LAMA3: variants seen among roughly 807,000 people sequenced by gnomAD.
The protein encoded by LAMA3 is laminin subunit alpha-3.
LAMA3 carries 281 observed loss-of-function variants against 402.0 expected under a neutral mutation model. The observed-to-expected ratio is 0.70, with a 90% CI of 0.63 to 0.77. LAMA3 has a LOEUF of 0.77. Ranked by LOEUF, LAMA3 falls within the 30% of genes least tolerant of loss-of-function variation. The pLI, the probability that LAMA3 is intolerant of heterozygous loss-of-function variation, is 0.00. For missense variants in LAMA3, 3,840 were observed against 4,215.5 expected (o/e 0.91, Z 2.47); for synonymous variants, 1,431 against 1,558.4 (o/e 0.92, Z 1.93).
intron 5 of LAMA3, among the ~76,000 whole-genome samples, chr18:23,752,978 A>G (rs2061779951): frequency 6.6e-6 from 1 of 152,184 alleles, no homozygotes; most frequent in South Asian, 2.1e-4. Context: ...GCCAAGTCTG[A>G]GAAGGAAGGT....
chr18:23,916,363 A>C (rs189311615), intron 59 of LAMA3, among the ~76,000 whole-genome samples, 188 bp from the exon 60 acceptor site: 2 of 152,336 alleles, frequency 1.3e-5, no homozygotes, highest in Admixed American at 1.3e-4. Context: ...GTATGAGAGC[A>C]CATCCAGGAG....
At chr18:23,696,224 C>T (rs1387574495) in intron 1 of LAMA3, among the ~76,000 whole-genome samples, 1 of 152,132 alleles carries the variant, frequency 6.6e-6, no homozygotes, top group African/African-American at 2.4e-5. Flanking sequence ...TTACATGTTT[C>T]CAGGCTGCTT....
In LAMA3 at chr18:23,909,034, T is replaced by A; in HGVS notation, c.7016-119T>A. ...AACTACCGTAACTAATTATGACCCA[T>A]CCTGTTCAACATCTGGGGACCAAAC... On this transcript the variant is annotated intron_variant, in intron 54 of 74. Transcript: ENST00000313654. 8 of 917,614 alleles carry A rather than the reference T, an allele frequency of 8.7e-6. No homozygotes were observed. In the East Asian group the frequency reaches 1.2e-4, roughly 14 times the overall value. The allele number at this position is 917,614 out of a possible 1,614,324, so 56.8% of individuals were successfully genotyped here.
At chr18:23,885,975 T>C (rs1239326118) in intron 41 of LAMA3, among the ~76,000 whole-genome samples, 1 of 152,216 alleles carries the variant, frequency 6.6e-6, no homozygotes, top group African/African-American at 2.4e-5. Flanking sequence ...TTTTGACTTG[T>C]TTTCTTATCT....
intron 62 of LAMA3, among the ~76,000 whole-genome samples, chr18:23,926,040 C>T (rs948948220): frequency 1.3e-5 from 2 of 152,178 alleles, no homozygotes; most frequent in African/African-American, 4.8e-5. Context: ...TAGTAGCTGC[C>T]TATCTCTTAG....
At position 23,747,946 on chromosome 18, in the gene LAMA3, T is replaced by C. The variant is rs901532494; in HGVS notation, c.451T>C (p.Phe151Leu). ...TGTATCTCTTTTGTTTTATCAGCTC[T>C]TCCATGTGGCCTATATTTTAATCAA... ...VNLTLDLGQL[F>L]HVAYILIKFA... The change falls in exon 3 of 75, where the codon TTC becomes CTC. Residue 151 changes from phenylalanine (F) to leucine (L), a missense_variant. Physicochemically the swap from Phe to Leu is conservative, Grantham distance 22. Coordinates refer to ENST00000313654, the MANE Select transcript of LAMA3 (RefSeq NM_198129.4). 2 of 1,549,384 alleles carry C rather than the reference T, an allele frequency of 1.3e-6. No individual in the cohort carries two copies. Among genetic ancestry groups the C allele is most frequent in the Non-Finnish European group, 1.8e-6 (2 of 1,121,080 alleles).
chr18:23,930,047 A>G (rs1409766676), intron 64 of LAMA3, among the ~76,000 whole-genome samples: 2 of 152,228 alleles, frequency 1.3e-5, no homozygotes, highest in Non-Finnish European at 2.9e-5. Flanking sequence ...AAAAAAAGTC[A>G]ACACAAAGTA....
intron 2 of LAMA3, among the ~76,000 whole-genome samples, chr18:23,743,783 G>C (rs962651014): frequency 6.6e-6 from 1 of 152,168 alleles, no homozygotes; most frequent in African/African-American, 2.4e-5. Flanking sequence ...AGCACGTGGA[G>C]AGATTACAAC....
chr18:23,864,203 CTTTCTTTCT>C (rs1214901761), intron 35 of LAMA3, among the ~76,000 whole-genome samples: 3 of 150,154 alleles, frequency 2.0e-5, no homozygotes, highest in Non-Finnish European at 3.0e-5. Flanking sequence ...ATTTTTCTTA[CTTTCTTTCT>C]TTTCTTTCTT....
chr18:23,776,432 T>C (rs1368452953), intron 10 of LAMA3, among the ~76,000 whole-genome samples: 1 of 152,202 alleles, frequency 6.6e-6, no homozygotes, highest in African/African-American at 2.4e-5. Context: ...AGAAACACTG[T>C]AGAGCATGAA....
At chr18:23,699,433 T>C (rs2060750975) in intron 1 of LAMA3, among the ~76,000 whole-genome samples, 1 of 152,204 alleles carries the variant, frequency 6.6e-6, no homozygotes, top group Non-Finnish European at 1.5e-5. Context: ...AATTGTTTCA[T>C]AAAGGGGTTA....
rs1354859539 is a variant in LAMA3, at chr18:23,918,527, C to T, written c.7923+1832C>T. ...TGTTTGCCTTCTCAAGACACTGAAGCTTCTCTGTTTTCAAGTAGCTGAGAT... is the reference window on the plus strand; with the variant it reads ...TGTTTGCCTTCTCAAGACACTGAAGTTTCTCTGTTTTCAAGTAGCTGAGAT... On this transcript the variant is annotated intron_variant, in intron 60 of 74. Transcript: ENST00000313654. This position sits in a 1 kb window ranked among gnomAD's most constrained non-coding sequence, Gnocchi z 4.1. Among the ~76,000 whole-genome samples, 1 of 152,142 alleles carries T rather than the reference C, an allele frequency of 6.6e-6. No homozygotes were observed. The highest frequency in any genetic ancestry group is 2.4e-5 in the African/African-American group (1 of 41,434).
At position 23,904,599 on chromosome 18, in the gene LAMA3, G is replaced by T. The variant is rs768700686; in HGVS notation, c.6520G>T (p.Asp2174Tyr). Residue 2174 changes from aspartate (D) to tyrosine (Y), a missense_variant, in exon 51 of 75, where the codon GAT becomes TAT. This residue lies in a region of LAMA3 where 891 missense variants were observed against 857.5 expected (regional missense o/e 1.04). Transcript: ENST00000313654. ...GGATGAGCTGGTGCGCTGTGCTGTG[G>T]ATGCCGCCACCGCCTACGAGAACAT... is the stretch of plus-strand genomic sequence containing the variant. ...SGDELVRCAVDAATAYENILN... is the reference protein window; with the variant it reads ...SGDELVRCAVYAATAYENILN... 1 of 1,611,852 alleles carries T rather than the reference G, an allele frequency of 6.2e-7. No homozygotes were observed. The highest frequency in any genetic ancestry group is 1.7e-5 in the Admixed American group (1 of 59,816).
At chr18:23,787,505 A>G (rs1598793567) in intron 12 of LAMA3, among the ~76,000 whole-genome samples, 1 of 152,342 alleles carries the variant, frequency 6.6e-6, no homozygotes, top group East Asian at 1.9e-4. Flanking sequence ...CCACACAGCC[A>G]GACATATTAT....
At chr18:23,857,569 G>A (rs562924890) in intron 32 of LAMA3, among the ~76,000 whole-genome samples, 3 of 152,182 alleles carry the variant, frequency 2.0e-5, no homozygotes, top group African/African-American at 2.4e-5. Context: ...CTCCAGGCTC[G>A]GGGGCCATGT....
chr18:23,892,933 C>CT (rs1234491949), intron 42 of LAMA3, among the ~76,000 whole-genome samples: 6 of 146,198 alleles, frequency 4.1e-5, no homozygotes, highest in African/African-American at 1.0e-4. Context: ...GCAAGTAAGG[C>CT]TTTTTTTAAA....
intron 5 of LAMA3, among the ~76,000 whole-genome samples, chr18:23,751,870 T>C (rs1568145157): frequency 6.6e-6 from 1 of 152,152 alleles, no homozygotes; most frequent in Non-Finnish European, 1.5e-5. Flanking sequence ...TGCCTTCCAT[T>C]GGCCAAAGCA....
intron 12 of LAMA3, among the ~76,000 whole-genome samples, chr18:23,808,557 A>C (rs1225179420): frequency 6.6e-6 from 1 of 152,140 alleles, no homozygotes; most frequent in East Asian, 1.9e-4. Flanking sequence ...GATGACTGTA[A>C]AATAGGAAAG....
At chr18:23,732,543 C>T (rs955952271) in intron 2 of LAMA3, among the ~76,000 whole-genome samples, 19 of 152,092 alleles carry the variant, frequency 1.2e-4, no homozygotes, top group African/African-American at 4.6e-4. Context: ...CAATCCCTCG[C>T]GGAACCACCC....
Sources: gnomAD v4.1 joint callset for allele counts (sites outside exome capture counted in the v4.1 genomes callset) on GRCh38, gnomAD v4.1.1 for gene constraint, gnomAD v4.1.1 regional missense constraint, Gnocchi (gnomAD v3.1) non-coding constraint, MANE v1.5 for transcripts, NCBI Gene and HGNC (gene_info 2026-07-23, HGNC 2026-07-21) for gene names.